Variants in SLC35F4 observed in about 807,000 individuals in gnomAD.
SLC35F4 encodes the protein solute carrier family 35 member F4, also known as chromosome 14 open reading frame 36.
A neutral mutation model predicts 44.2 loss-of-function variants in SLC35F4; 24 were observed. The ratio of observed to expected loss-of-function variants is 0.54; its 90% CI spans 0.39 to 0.76. The LOEUF (loss-of-function observed/expected upper bound fraction) is 0.76. Ranked by LOEUF, SLC35F4 falls within the 30% of genes least tolerant of loss-of-function variation. The pLI is 0.00. For synonymous variants in SLC35F4, 238 were observed against 223.6 expected (o/e 1.06, Z -0.57); for missense variants, 562 against 586.1 (o/e 0.96, Z 0.42).
At chr14:57,739,905 G>A (rs374024545) in intron 1 of SLC35F4, among the ~76,000 whole-genome samples, 22 of 152,204 alleles carry the variant, frequency 1.4e-4, no homozygotes, top group African/African-American at 4.8e-4. Context: ...TGCTGCCCAG[G>A]CTGGAGTGCA....
At chr14:57,612,759 A>G (rs2071590656) in intron 1 of SLC35F4, among the ~76,000 whole-genome samples, 1 of 152,228 alleles carries the variant, frequency 6.6e-6, no homozygotes, top group Non-Finnish European at 1.5e-5. Context: ...CCAACTACGC[A>G]TGCTCAAGAA....
chr14:57,715,851 T>C (rs1427051312), intron 1 of SLC35F4, among the ~76,000 whole-genome samples: 1 of 151,776 alleles, frequency 6.6e-6, no homozygotes, highest in Non-Finnish European at 1.5e-5. Flanking sequence ...CATAGGTATA[T>C]GCCAAGATGT....
chr14:57,733,744 C>T (rs1165523652), intron 1 of SLC35F4, among the ~76,000 whole-genome samples: 1 of 151,902 alleles, frequency 6.6e-6, no homozygotes, highest in Non-Finnish European at 1.5e-5. Context: ...TTCCAAGTGC[C>T]CTTCAGCCAG....
At chr14:57,913,229 G>C (rs1889250904) in intron 1 of SLC35F4, among the ~76,000 whole-genome samples, 1 of 151,756 alleles carries the variant, frequency 6.6e-6, no homozygotes, top group Non-Finnish European at 1.5e-5. Flanking sequence ...GATAAACTCT[G>C]TCTTTTAGTT....
At chr14:57,568,532 CA>C (rs1365043959) in intron 6 of SLC35F4, among the ~76,000 whole-genome samples, 1 of 152,064 alleles carries the variant, frequency 6.6e-6, no homozygotes, top group African/African-American at 2.4e-5. Context: ...AGGTGCTAAC[CA>C]TATAATTTTG....
downstream of SLC35F4, among the ~76,000 whole-genome samples, chr14:57,972,708 C>T (rs1340594075): frequency 1.3e-5 from 2 of 152,202 alleles, no homozygotes; most frequent in East Asian, 3.8e-4. Flanking sequence ...TCTTTCTTCT[C>T]CCAGAGCAGC....
chr14:57,747,678 T>A (rs1256153625), intron 1 of SLC35F4, among the ~76,000 whole-genome samples: 1 of 152,202 alleles, frequency 6.6e-6, no homozygotes, highest in Admixed American at 6.5e-5. Context: ...CTTTAAAAGA[T>A]TAGAATTCTA....
chr14:57,967,282 C>T (rs1013197180), intron 1 of SLC35F4, among the ~76,000 whole-genome samples: 3 of 152,110 alleles, frequency 2.0e-5, no homozygotes, highest in South Asian at 2.1e-4. Flanking sequence ...ATAAAAATGT[C>T]ATTACTGTTA....
At chr14:57,656,548 G>T (rs1344492552) in intron 1 of SLC35F4, among the ~76,000 whole-genome samples, 2 of 152,006 alleles carry the variant, frequency 1.3e-5, no homozygotes, top group Non-Finnish European at 2.9e-5. Flanking sequence ...AATCTCCTCA[G>T]ATTTTAGGTA....
intron 1 of SLC35F4, among the ~76,000 whole-genome samples, chr14:57,940,778 T>C (rs1889902649): frequency 6.6e-6 from 1 of 152,170 alleles, no homozygotes. Context: ...CCACTACTCC[T>C]CTTCTCCTCC....
chr14:57,622,990 G>C (rs1042053539), intron 1 of SLC35F4, among the ~76,000 whole-genome samples: 4 of 151,990 alleles, frequency 2.6e-5, no homozygotes, highest in African/African-American at 9.7e-5. Context: ...AATGGACTGA[G>C]TGCCCCAGTT....
intron 1 of SLC35F4, among the ~76,000 whole-genome samples, chr14:57,742,152 G>A (rs1364425733): frequency 1.3e-5 from 2 of 152,204 alleles, no homozygotes; most frequent in Non-Finnish European, 2.9e-5. Flanking sequence ...AGGCTAGGAA[G>A]AAACTGCATC....
chr14:57,628,730 A>G (rs1469755918), intron 1 of SLC35F4, among the ~76,000 whole-genome samples: 2 of 152,178 alleles, frequency 1.3e-5, no homozygotes, highest in Admixed American at 1.3e-4. Context: ...CAAAGACACG[A>G]AACCTCTTAA....
At chr14:57,597,093 C>T (rs887491179) in intron 1 of SLC35F4, among the ~76,000 whole-genome samples, 2 of 152,168 alleles carry the variant, frequency 1.3e-5, no homozygotes, top group African/African-American at 2.4e-5. Flanking sequence ...TTCAGAACAT[C>T]GTCTGGGATG....
rs549453914 is a variant in SLC35F4, at chr14:57,861,653, C to G, written c.103+4070G>C. ...ACATTCTTGTCAAGATCACCCATGACCTTTAATTGTCAAATTCAATCGGTC... is the reference window on the plus strand; with the variant it reads ...ACATTCTTGTCAAGATCACCCATGAGCTTTAATTGTCAAATTCAATCGGTC... On this transcript the variant is annotated intron_variant, in intron 1 of 7. Coordinates refer to ENST00000556826, the MANE Select transcript of SLC35F4 (RefSeq NM_001306087.2). Among the ~76,000 whole-genome samples, 110 of 152,288 alleles carry G rather than the reference C, an allele frequency of 7.2e-4. 1 individual carries two copies. The highest frequency in any genetic ancestry group is 3.9e-4 in the Admixed American group (6 of 15,300).
chr14:57,653,695 G>A (rs1245928916), intron 1 of SLC35F4, among the ~76,000 whole-genome samples: 1 of 152,218 alleles, frequency 6.6e-6, no homozygotes, highest in African/African-American at 2.4e-5. Context: ...ATGCCAGGGA[G>A]CAGGTGGTGT....
chr14:57,889,076 T>C (rs1888707531), intron 1 of SLC35F4, among the ~76,000 whole-genome samples: 1 of 152,242 alleles, frequency 6.6e-6, no homozygotes, highest in African/African-American at 2.4e-5. Context: ...TCTGGGTTTT[T>C]TTCTGCATTG....
intron 1 of SLC35F4, among the ~76,000 whole-genome samples, chr14:57,692,463 G>GA (rs901765150): frequency 2.6e-5 from 4 of 151,966 alleles, no homozygotes; most frequent in African/African-American, 9.7e-5. Context: ...TTATTGTTTG[G>GA]AAAATCAGTC....
At chr14:57,867,702 GT>G (rs565356085), upstream of SLC35F4, among the ~76,000 whole-genome samples, 51 of 151,800 alleles carry the variant, frequency 3.4e-4, no homozygotes, top group African/African-American at 1.1e-3. Context: ...GGTAAAATGT[GT>G]TCATCACATA....
Sources: allele counts gnomAD v4.1 joint callset (sites outside exome capture counted in the v4.1 genomes callset), GRCh38; gene constraint gnomAD v4.1.1; transcripts MANE v1.5; gene names NCBI Gene and HGNC (gene_info 2026-07-23, HGNC 2026-07-21).